The following WDFY1 variants were observed in gnomAD, a reference collection of about 807,000 sequenced individuals.
The protein encoded by WDFY1 is WD repeat and FYVE domain-containing protein 1.
In WDFY1, 32 loss-of-function variants were observed where a neutral mutation model predicts 56.4. The ratio of observed to expected loss-of-function variants is 0.57; its 90% confidence interval spans 0.43 to 0.76. WDFY1 has a LOEUF of 0.76. Among genes scored for constraint, WDFY1 ranks in the 30% least tolerant of loss-of-function variants. The probability of loss-of-function intolerance (pLI) is 0.00; values close to 1 mark genes in which losing one functional copy is unlikely to be tolerated. For synonymous variants in WDFY1, 192 were observed against 197.3 expected (o/e 0.97, Z 0.23); for missense variants, 480 against 545.7 (o/e 0.88, Z 1.20).
intron 9 of WDFY1, among the ~76,000 whole-genome samples, chr2:223,882,992 G>A (rs572315608): frequency 6.6e-6 from 1 of 152,130 alleles, no homozygotes; most frequent in Admixed American, 6.5e-5. Flanking sequence ...GCCTCCCAAA[G>A]TGCTAGGATT....
At chr2:223,913,313 AAAGG>A (rs2106089728) in intron 2 of WDFY1, among the ~76,000 whole-genome samples, 1 of 152,290 alleles carries the variant, frequency 6.6e-6, no homozygotes, top group Non-Finnish European at 1.5e-5. Flanking sequence ...TATCCTCACC[AAAGG>A]AAGGAAGTAA....
intron 4 of WDFY1, among the ~76,000 whole-genome samples, chr2:223,902,010 C>G (rs950298056): frequency 6.6e-6 from 1 of 152,186 alleles, no homozygotes; most frequent in East Asian, 1.9e-4. Context: ...GCAGTGTAAC[C>G]TGCCTTCAAC....
chr2:223,943,589 A>T (rs1223739272), intron 1 of WDFY1, among the ~76,000 whole-genome samples: 2 of 152,166 alleles, frequency 1.3e-5, no homozygotes, highest in Non-Finnish European at 2.9e-5. Flanking sequence ...AAGCTTTTGG[A>T]CTTGTGGACT....
intron 8 of WDFY1, among the ~76,000 whole-genome samples, chr2:223,891,382 C>CAAAAAAAAAAAAAAAAAAAAAA (rs61587389): frequency 1.5e-4 from 9 of 60,112 alleles, no homozygotes; most frequent in African/African-American, 4.8e-4. Context: ...GACTCCGTCT[C>CAAAAAAAAAAAAAAAAAAAAAA]AAAAAAAAAA....
chr2:223,930,785 C>T (rs1473327040), intron 1 of WDFY1, among the ~76,000 whole-genome samples: 1 of 152,034 alleles, frequency 6.6e-6, no homozygotes, highest in Admixed American at 6.5e-5. Flanking sequence ...GGACAAATGA[C>T]GACATGGGAG....
chr2:223,908,684 T>C (rs755820758), intron 3 of WDFY1, among the ~76,000 whole-genome samples: 3 of 152,172 alleles, frequency 2.0e-5, no homozygotes, highest in Non-Finnish European at 4.4e-5. Context: ...TAGTTTCCAC[T>C]GACGTCTATG....
chr2:223,939,549 A>G (rs145285749), intron 1 of WDFY1, among the ~76,000 whole-genome samples: 1,942 of 152,344 alleles, frequency 0.013, 36 homozygotes, highest in African/African-American at 0.044. Flanking sequence ...TGGCTAGGGA[A>G]GCCTCACAAT....
intron 5 of WDFY1, among the ~76,000 whole-genome samples, chr2:223,900,419 G>A (rs585740): frequency 0.93 from 141,677 of 152,220 alleles, 66,004 homozygotes; most frequent in South Asian, 0.96. Flanking sequence ...ATTCAACTCT[G>A]AGAGAGAAAC....
intron 1 of WDFY1, among the ~76,000 whole-genome samples, chr2:223,923,378 A>G (rs1023170159): frequency 3.9e-5 from 6 of 152,264 alleles, no homozygotes; most frequent in Non-Finnish European, 7.3e-5. Flanking sequence ...TTCCAGACTA[A>G]AAAATTACTA....
At chr2:223,937,529 G>C (rs1480792434) in intron 1 of WDFY1, among the ~76,000 whole-genome samples, 1 of 152,142 alleles carries the variant, frequency 6.6e-6, no homozygotes, top group African/African-American at 2.4e-5. Flanking sequence ...ACAAAACTCT[G>C]TAAAGCAGGT....
chr2:223,897,390 A>ATATATATTTTTT (rs1461451983), intron 6 of WDFY1, among the ~76,000 whole-genome samples: 1 of 125,992 alleles, frequency 7.9e-6, no homozygotes, highest in Non-Finnish European at 1.6e-5. Context: ...ATATATATAT[A>ATATATATTTTTT]TTTTTTAAGA....
chr2:223,939,040 T>C (rs985393316), intron 1 of WDFY1, among the ~76,000 whole-genome samples: 2 of 152,138 alleles, frequency 1.3e-5, no homozygotes, highest in African/African-American at 2.4e-5. Flanking sequence ...TTCAGTATTC[T>C]TTCTTGGTGG....
intron 1 of WDFY1, among the ~76,000 whole-genome samples, chr2:223,943,318 C>T (rs533964216): frequency 6.6e-6 from 1 of 152,298 alleles, no homozygotes; most frequent in Middle Eastern, 3.4e-3. Context: ...GCCAATCACT[C>T]CCCTCCTTGT....
chr2:223,910,017 TCTCCAATCGCCCTAGGGTGCC>T, intron 3 of WDFY1, among the ~76,000 whole-genome samples: 1 of 152,152 alleles, frequency 6.6e-6, no homozygotes, highest in East Asian at 1.9e-4. Flanking sequence ...TCTGCCCAAT[TCTCCAATCGCCCTAGGGTGCC>T]CTCCCTATAT....
At chr2:223,882,631 T>C (rs1693092707) in intron 9 of WDFY1, among the ~76,000 whole-genome samples, 1 of 152,228 alleles carries the variant, frequency 6.6e-6, no homozygotes. Context: ...TAACAAACAA[T>C]ATTATTAACA....
intron 6 of WDFY1, among the ~76,000 whole-genome samples, chr2:223,898,527 G>A (rs1290749707): frequency 6.6e-6 from 1 of 151,984 alleles, no homozygotes; most frequent in African/African-American, 2.4e-5. Flanking sequence ...AGCCTTCCGA[G>A]TAGCTAGGGG....
chr2:223,925,297 C>A (rs901285154), intron 1 of WDFY1, among the ~76,000 whole-genome samples: 1 of 151,292 alleles, frequency 6.6e-6, no homozygotes, highest in Non-Finnish European at 1.5e-5. Flanking sequence ...AAGCAAATGT[C>A]GCAACAAAGT....
chr2:223,938,609 A>G (rs567852168), intron 1 of WDFY1, among the ~76,000 whole-genome samples: 5 of 152,322 alleles, frequency 3.3e-5, no homozygotes, highest in African/African-American at 1.2e-4. Context: ...ACGAGACATT[A>G]ATCCATAAAG....
At chr2:223,894,590 T>G (rs1693329601) in intron 7 of WDFY1, 1 of 470,756 alleles carries the variant, frequency 2.1e-6, no homozygotes, top group African/African-American at 2.0e-5. Flanking sequence ...GCCAGAGATT[T>G]GATGAGGGCT....
Sources: gnomAD v4.1 joint callset for allele counts (sites outside exome capture counted in the v4.1 genomes callset) on GRCh38, gnomAD v4.1.1 for gene constraint, MANE v1.5 for transcripts, NCBI Gene and HGNC (gene_info 2026-07-23, HGNC 2026-07-21) for gene names.